IRAK3: variants seen among roughly 807,000 people sequenced by gnomAD.
IRAK3 encodes interleukin-1 receptor-associated kinase 3.
A neutral mutation model predicts 56.6 loss-of-function variants in IRAK3; 57 were observed. The ratio of observed to expected loss-of-function variants is 1.01; its 90% CI spans 0.81 to 1.26. The LOEUF (loss-of-function observed/expected upper bound fraction) is 1.26. Ranked by LOEUF, IRAK3 falls within the 50% of genes most tolerant of loss-of-function variation. The pLI, the probability that IRAK3 is intolerant of heterozygous loss-of-function variation, is 0.00. For missense variants in IRAK3, 703 were observed against 719.0 expected (o/e 0.98, Z 0.25); for synonymous variants, 258 against 255.7 (o/e 1.01, Z -0.09).
chr12:66,248,179 C>T lies in IRAK3; in HGVS notation c.*8C>T, dbSNP rs781139086. ...CAGTACAAAAAAGAATAAATTCTAC[C>T]AGAAGATAAAGAAAAAAGCAAGTAT... On this transcript the variant is annotated 3_prime_UTR_variant, in exon 12 of 12. Transcript: ENST00000261233. 30 of 1,603,804 alleles carry T rather than the reference C, an allele frequency of 1.9e-5. No homozygotes were observed. Among genetic ancestry groups the T allele is most frequent in the South Asian group, 5.5e-5 (5 of 90,732 alleles).
intron 8 of IRAK3, among the ~76,000 whole-genome samples, chr12:66,230,167 G>A (rs185672528): frequency 7.7e-4 from 118 of 152,272 alleles, no homozygotes; most frequent in Non-Finnish European, 1.3e-3. Flanking sequence ...AGGTGATTTG[G>A]ATGTGCCTAA....
At chr12:66,217,259 T>C (rs1460884133) in intron 6 of IRAK3, 24 bp downstream of exon 6, 1 of 1,544,158 alleles carries the variant, frequency 6.5e-7, no homozygotes. Context: ...CTCTGGAATT[T>C]CCTCCTCTTT....
At chr12:66,219,439 G>A (rs576785238) in intron 6 of IRAK3, among the ~76,000 whole-genome samples, 1 of 152,344 alleles carries the variant, frequency 6.6e-6, no homozygotes, top group African/African-American at 2.4e-5. Context: ...CATGTGAGAT[G>A]TGCTTTTTAT....
At chr12:66,243,862 A>G (rs571356223) in intron 8 of IRAK3, among the ~76,000 whole-genome samples, 1 of 152,342 alleles carries the variant, frequency 6.6e-6, no homozygotes, top group Admixed American at 6.5e-5. Context: ...ACCCCCAGCC[A>G]AAATGTCAGA....
intron 8 of IRAK3, among the ~76,000 whole-genome samples, chr12:66,244,078 A>C (rs922195411): frequency 3.3e-5 from 5 of 152,234 alleles, no homozygotes; most frequent in Admixed American, 2.6e-4. Flanking sequence ...TAAGCTAAGC[A>C]TTTCACAGCA....
Position 66,221,924 on chromosome 12 carries a change from G to A in IRAK3, c.653+4689G>A, listed in dbSNP as rs116898789. Among the ~76,000 whole-genome samples, 912 of 152,266 alleles carry A rather than the reference G, an allele frequency of 6.0e-3. 7 individuals carry two copies. Among genetic ancestry groups the A allele is most frequent in the Non-Finnish European group, 8.1e-3 (551 of 68,010 alleles). The stretch of plus-strand genomic sequence containing the variant: ...CACGCTTGCAATCCCAGCTATTCAG[G>A]AAGCTGAGGCACAAGAATTGCTTGA... On this transcript the variant is annotated intron_variant, in intron 6 of 11. Transcript: ENST00000261233.
intron 1 of IRAK3, among the ~76,000 whole-genome samples, chr12:66,199,651 A>G (rs2052488044): frequency 6.6e-6 from 1 of 152,124 alleles, no homozygotes; most frequent in Admixed American, 6.5e-5. Flanking sequence ...TCATGCTCAA[A>G]CCACACTTAG....
At chr12:66,243,954 T>C (rs527476822) in intron 8 of IRAK3, among the ~76,000 whole-genome samples, 1 of 152,328 alleles carries the variant, frequency 6.6e-6, no homozygotes, top group Non-Finnish European at 1.5e-5. Context: ...ATTTGTATTT[T>C]AAATAAGACT....
intron 8 of IRAK3, among the ~76,000 whole-genome samples, chr12:66,240,517 C>T (rs1236899150): frequency 6.6e-6 from 1 of 152,122 alleles, no homozygotes. Context: ...GGGTGCACAA[C>T]TGTTTTAGTA....
chr12:66,192,616 A>G (rs2052410025), intron 1 of IRAK3, among the ~76,000 whole-genome samples: 1 of 152,240 alleles, frequency 6.6e-6, no homozygotes, highest in African/African-American at 2.4e-5. Flanking sequence ...AAGAAAAGGG[A>G]AATTATTATA....
chr12:66,215,298 C>G (rs1426732957), intron 5 of IRAK3, among the ~76,000 whole-genome samples: 1 of 152,186 alleles, frequency 6.6e-6, no homozygotes, highest in Non-Finnish European at 1.5e-5. Context: ...CCAAATCACA[C>G]TCCCTTTTGG....
At chr12:66,231,886 A>C (rs1302804360) in intron 8 of IRAK3, among the ~76,000 whole-genome samples, 2 of 152,220 alleles carry the variant, frequency 1.3e-5, no homozygotes, top group African/African-American at 4.8e-5. Context: ...GCTGGGCTCT[A>C]GTGAAAGTCT....
At chr12:66,242,812 G>T (rs1375409561) in intron 8 of IRAK3, among the ~76,000 whole-genome samples, 2 of 152,334 alleles carry the variant, frequency 1.3e-5, no homozygotes, top group East Asian at 3.9e-4. Context: ...AGTAGCTCAT[G>T]CCTGTAATCC....
chr12:66,217,293 A>G lies in IRAK3; in HGVS notation c.653+58A>G, dbSNP rs1205723756. 107 of 1,236,318 alleles carry G rather than the reference A, an allele frequency of 8.7e-5. No individual in the cohort carries two copies. In the South Asian group the frequency reaches 1.1e-3, roughly 13 times the overall value. 76.6% of individuals were successfully genotyped at this position (1,236,318 alleles called of 1,614,324 possible). On this transcript the variant is annotated intron_variant, in intron 6 of 11. Transcript: ENST00000261233. ...TTGTGCCTGGGTTTCATCTCTGTTC[A>G]TTTTTTATTTTACAGCACAGAGCTT...
intron 2 of IRAK3, among the ~76,000 whole-genome samples, chr12:66,204,094 A>T (rs1322832387): frequency 6.6e-6 from 1 of 152,030 alleles, no homozygotes; most frequent in Non-Finnish European, 1.5e-5. Context: ...CTTATACAAC[A>T]TATTTCTTTC....
At chr12:66,211,749 GAAGTA>G (rs2052614395) in intron 5 of IRAK3, 152 bp downstream of exon 5, 2 of 680,226 alleles carry the variant, frequency 2.9e-6, no homozygotes, top group Admixed American at 2.5e-5. Context: ...GATGACTGGA[GAAGTA>G]AAGACCTGTC....
At chr12:66,224,773 A>T (rs903137971) in intron 6 of IRAK3, among the ~76,000 whole-genome samples, 1 of 152,202 alleles carries the variant, frequency 6.6e-6, no homozygotes, top group African/African-American at 2.4e-5. Context: ...AGCTGTTAAA[A>T]AGACCAGAGA....
chr12:66,226,718 T>C lies in IRAK3; in HGVS notation c.654-5T>C, dbSNP rs199613802. On this transcript the variant is annotated splice_region_variant and splice_polypyrimidine_tract_variant and intron_variant, in intron 6 of 11. Transcript: ENST00000261233. The stretch of plus-strand genomic sequence containing the variant: ...TGATGGCTTTAAAACATCTTTTGTT[T>C]CAAGGTTTCATCACCCAAACATACT... 61 of 1,534,260 alleles carry C rather than the reference T, an allele frequency of 4.0e-5. No individual in the cohort carries two copies. In the East Asian group the frequency reaches 1.4e-3, roughly 34 times the overall value.
chr12:66,233,141 A>C (rs2052861742), intron 8 of IRAK3, among the ~76,000 whole-genome samples: 1 of 152,172 alleles, frequency 6.6e-6, no homozygotes, highest in Admixed American at 6.5e-5. Context: ...GTTTGAACTA[A>C]CTTTTACTGA....
Sources: allele counts gnomAD v4.1 joint callset (sites outside exome capture counted in the v4.1 genomes callset), GRCh38; gene constraint gnomAD v4.1.1; transcripts MANE v1.5; gene names NCBI Gene and HGNC (gene_info 2026-07-23, HGNC 2026-07-21).